The following RBFOX1 variants were observed in gnomAD, a reference collection of about 807,000 sequenced individuals.
RBFOX1 encodes RNA binding fox-1 homolog 1.
A neutral mutation model predicts 57.7 loss-of-function variants in RBFOX1; 8 were observed. The observed-to-expected ratio is 0.14, with a 90% CI of 0.08 to 0.25. The LOEUF (loss-of-function observed/expected upper bound fraction) is 0.25, where lower values mean the gene tolerates loss of function less well. Among genes scored for constraint, RBFOX1 ranks in the 10% least tolerant of loss-of-function variants. The pLI is 1.00. For synonymous variants in RBFOX1, 326 were observed against 222.4 expected (o/e 1.47, Z -4.15); for missense variants, 611 against 548.5 (o/e 1.11, Z -1.14).
At chr16:7,561,486 GAA>G (rs1386757187) in intron 5 of RBFOX1, among the ~76,000 whole-genome samples, 1 of 152,214 alleles carries the variant, frequency 6.6e-6, no homozygotes, top group Non-Finnish European at 1.5e-5. Flanking sequence ...AGCCTACTGA[GAA>G]ACTCCGAAAT....
chr16:6,512,147 G>T (rs1052264466), intron 2 of RBFOX1, among the ~76,000 whole-genome samples: 2 of 151,416 alleles, frequency 1.3e-5, no homozygotes, highest in Non-Finnish European at 2.9e-5. Context: ...CGCCAGGCAT[G>T]ATGGTGCATG....
chr16:7,386,101 T>G (rs2148204519), intron 4 of RBFOX1, among the ~76,000 whole-genome samples: 1 of 152,092 alleles, frequency 6.6e-6, no homozygotes, highest in Non-Finnish European at 1.5e-5. Context: ...CTTTTAAGGT[T>G]TTGCCACACG....
chr16:5,908,256 A>G (rs1234805686), intron 4 of RBFOX1, among the ~76,000 whole-genome samples: 2 of 149,066 alleles, frequency 1.3e-5, no homozygotes, highest in East Asian at 1.9e-4. Context: ...ATACACACAC[A>G]TATATACACA....
At chr16:7,062,016 C>T (rs997655641) in intron 4 of RBFOX1, among the ~76,000 whole-genome samples, 1 of 151,906 alleles carries the variant, frequency 6.6e-6, no homozygotes, top group Non-Finnish European at 1.5e-5. Context: ...CTGAGATGGT[C>T]CCAGGAAAAA....
chr16:6,930,033 C>G (rs949863820), intron 3 of RBFOX1, among the ~76,000 whole-genome samples: 2 of 152,154 alleles, frequency 1.3e-5, no homozygotes, highest in African/African-American at 4.8e-5. Flanking sequence ...TCTCCACATC[C>G]TTGCTTATCC....
chr16:5,501,826 G>C (rs116855962), intron 2 of RBFOX1, among the ~76,000 whole-genome samples: 3,665 of 152,148 alleles, frequency 0.024, 73 homozygotes, highest in South Asian at 0.046. Flanking sequence ...TGATTCTCCT[G>C]CCTCAGCCTC....
intron 4 of RBFOX1, among the ~76,000 whole-genome samples, chr16:7,288,551 T>C (rs1404618488): frequency 6.6e-6 from 1 of 152,190 alleles, no homozygotes; most frequent in African/African-American, 2.4e-5. Flanking sequence ...TTAACTGTGC[T>C]ATTACTGGCC....
At chr16:5,679,831 TA>T (rs1170565295) in intron 3 of RBFOX1, among the ~76,000 whole-genome samples, 11 of 152,224 alleles carry the variant, frequency 7.2e-5, no homozygotes, top group African/African-American at 2.4e-4. Context: ...CCTTTATAAT[TA>T]ACTTAAGGGA....
intron 4 of RBFOX1, among the ~76,000 whole-genome samples, chr16:7,173,165 A>G (rs1052343735): frequency 9.9e-5 from 15 of 152,188 alleles, no homozygotes; most frequent in African/African-American, 3.1e-4. Context: ...ACTTATAACA[A>G]AAATCATACA....
intron 1 of RBFOX1, among the ~76,000 whole-genome samples, chr16:6,261,435 T>C (rs1393575825): frequency 6.6e-6 from 1 of 152,184 alleles, no homozygotes; most frequent in Non-Finnish European, 1.5e-5. Flanking sequence ...CTCCCAGATG[T>C]CAGATGATGA....
rs933989585 is a variant in RBFOX1 at position 6,075,678 on chromosome 16, G to C, written c.-127+55686G>C. On this transcript the variant is annotated intron_variant, in intron 1 of 15. Transcript: ENST00000550418. The stretch of plus-strand genomic sequence containing the variant: ...ATTAATCCAGTGCATTCAATACAGA[G>C]TTGGATAATCTGTTGCTATTTCAAA... Among the ~76,000 whole-genome samples the C allele has an allele frequency of 2.5e-4, 38 of 152,312 alleles. 1 individual carries two copies. Among genetic ancestry groups the C allele is most frequent in the Admixed American group, 1.0e-3 (16 of 15,308 alleles).
intron 3 of RBFOX1, among the ~76,000 whole-genome samples, chr16:6,780,904 A>C (rs57003248): frequency 0.34 from 51,300 of 151,894 alleles, 9,407 homozygotes; most frequent in East Asian, 0.42. Context: ...TTCTCTTGTC[A>C]GGTGGGTAGT....
rs575015203 is a variant in RBFOX1 at position 5,725,845 on chromosome 16, G to A, written c.318+126884G>A. Among the ~76,000 whole-genome samples, 3 of 152,068 alleles carry A rather than the reference G, an allele frequency of 2.0e-5. No individual in the cohort carries two copies. The East Asian group carries it at 5.9e-4, about 30-fold the overall frequency. ...AGCTCTCCGAGTTCTCTGCCTCTTGGTTGGCACTGGCATGAGGAGGCTGCT... is the reference window on the plus strand; with the variant it reads ...AGCTCTCCGAGTTCTCTGCCTCTTGATTGGCACTGGCATGAGGAGGCTGCT... On this transcript the variant is annotated intron_variant, in intron 3 of 19. Coordinates refer to the RBFOX1 transcript ENST00000641259.
rs557712694 is a variant in RBFOX1 at position 6,761,042 on chromosome 16, A to G, written c.-16+106392A>G. Among the ~76,000 whole-genome samples the G allele has an allele frequency of 6.6e-5, 10 of 152,338 alleles. No homozygotes were observed. The Middle Eastern group carries it at 0.017, about 259-fold the overall frequency. ...TACCAAACAGAACATTAAAGTTTAT[A>G]GCTTCACATTTTTGAATTAAATTAC... On this transcript the variant is annotated intron_variant, in intron 3 of 15. Transcript: ENST00000550418.
At chr16:6,751,560 G>A (rs1431148203) in intron 3 of RBFOX1, among the ~76,000 whole-genome samples, 3 of 152,168 alleles carry the variant, frequency 2.0e-5, no homozygotes, top group East Asian at 1.9e-4. Context: ...TAGAAAGGTA[G>A]AACATACAGT....
chr16:6,865,452 C>G (rs896710357), intron 3 of RBFOX1, among the ~76,000 whole-genome samples: 1 of 152,044 alleles, frequency 6.6e-6, no homozygotes. Flanking sequence ...GGGATATTTC[C>G]TTTCTAGCCC....
At chr16:6,656,450 C>G (rs565640780) in intron 3 of RBFOX1, among the ~76,000 whole-genome samples, 1 of 152,192 alleles carries the variant, frequency 6.6e-6, no homozygotes, top group African/African-American at 2.4e-5. Flanking sequence ...CTCCACTCCA[C>G]CTATGTGAAC....
chr16:7,340,689 A>T (rs549237111), intron 4 of RBFOX1, among the ~76,000 whole-genome samples: 3 of 152,194 alleles, frequency 2.0e-5, no homozygotes, highest in Admixed American at 1.3e-4. Flanking sequence ...AAAAGAGCAA[A>T]CAGAGCCTTC....
intron 3 of RBFOX1, among the ~76,000 whole-genome samples, chr16:5,810,031 T>G (rs2055364010): frequency 6.6e-6 from 1 of 152,242 alleles, no homozygotes; most frequent in Non-Finnish European, 1.5e-5. Context: ...TGTAGGGACA[T>G]GGATGAAATT....
Sources: gnomAD v4.1 joint callset for allele counts (sites outside exome capture counted in the v4.1 genomes callset) on GRCh38, gnomAD v4.1.1 for gene constraint, MANE v1.5 for transcripts, NCBI Gene and HGNC (gene_info 2026-07-23, HGNC 2026-07-21) for gene names.